Variants in WWOX observed in about 807,000 individuals in gnomAD.
WWOX encodes the protein WW domain containing oxidoreductase, also known as WW domain-containing oxidoreductase.
WWOX carries 69 observed loss-of-function variants against 46.2 expected under a neutral mutation model. The observed-to-expected ratio is 1.49, with a 90% CI of 1.23 to 1.82. The LOEUF is 1.82. WWOX is among the 40% of genes most tolerant of loss of function. The pLI is 0.00. For synonymous variants in WWOX, 359 were observed against 202.6 expected (o/e 1.77, Z -6.56); for missense variants, 919 against 542.6 (o/e 1.69, Z -6.89).
chr16:78,774,218 T>G (rs560815256), intron 8 of WWOX, among the ~76,000 whole-genome samples: 23 of 152,228 alleles, frequency 1.5e-4, no homozygotes, highest in Non-Finnish European at 2.6e-4. Flanking sequence ...CTGGCCAACA[T>G]GGTGAAACCC....
intron 5 of WWOX, among the ~76,000 whole-genome samples, chr16:78,237,090 A>AC (rs1052092570): frequency 6.6e-6 from 1 of 151,608 alleles, no homozygotes; most frequent in East Asian, 1.9e-4. Context: ...AAAAAAAAAA[A>AC]AAAAAATCTG....
intron 1 of WWOX, among the ~76,000 whole-genome samples, chr16:78,106,736 A>G (rs2032172946): frequency 6.6e-6 from 1 of 151,998 alleles, no homozygotes; most frequent in African/African-American, 2.4e-5. Flanking sequence ...TTTTTTTTGC[A>G]AGTGATATTG....
rs78345446 is a variant in WWOX, at chr16:78,619,631, G to A, written c.1056+186879G>A. On this transcript the variant is annotated intron_variant, in intron 8 of 8. Coordinates refer to ENST00000566780, the MANE Select transcript of WWOX (RefSeq NM_016373.4). ...GTAAAAAGAACCATGTGAATTGGGC[G>A]TGGTGGCTCATGTCTGTAAAGCCAG... Among the ~76,000 whole-genome samples, 528 of 152,048 alleles carry A rather than the reference G, an allele frequency of 3.5e-3. 6 individuals are homozygous for A. Among genetic ancestry groups the A allele is most frequent in the African/African-American group, 0.012 (498 of 41,468 alleles).
chr16:78,939,860 A>G (rs1179073244), intron 8 of WWOX, among the ~76,000 whole-genome samples: 1 of 152,202 alleles, frequency 6.6e-6, no homozygotes, highest in Non-Finnish European at 1.5e-5. Context: ...TTTTTGGCAT[A>G]GACGTGTGGA....
chr16:78,859,774 T>C (rs182095272), intron 8 of WWOX, among the ~76,000 whole-genome samples: 18 of 152,268 alleles, frequency 1.2e-4, no homozygotes, highest in African/African-American at 4.1e-4. Context: ...TTTCAAAGGA[T>C]GGACATCGAT....
chr16:78,911,533 A>G (rs551826789), intron 8 of WWOX, among the ~76,000 whole-genome samples: 5 of 152,100 alleles, frequency 3.3e-5, no homozygotes, highest in East Asian at 3.9e-4. Flanking sequence ...ATTGAATGAA[A>G]TAAGACTCTT....
At chr16:78,809,277 G>C (rs1049254891) in intron 8 of WWOX, among the ~76,000 whole-genome samples, 26 of 127,876 alleles carry the variant, frequency 2.0e-4, no homozygotes, top group African/African-American at 7.2e-4. Context: ...TTTTAGGGGG[G>C]AAACAGGAAC....
At chr16:78,975,605 T>C (rs1716211183) in intron 8 of WWOX, among the ~76,000 whole-genome samples, 2 of 151,970 alleles carry the variant, frequency 1.3e-5, no homozygotes, top group African/African-American at 4.8e-5. Context: ...GCCTCGTAAA[T>C]GAAAGGGTGA....
At chr16:78,476,287 T>C (rs1006186288) in intron 8 of WWOX, among the ~76,000 whole-genome samples, 1 of 152,206 alleles carries the variant, frequency 6.6e-6, no homozygotes, top group Non-Finnish European at 1.5e-5. Flanking sequence ...GAGAAGTGTC[T>C]GATCATATCC....
At chr16:78,248,393 A>G (rs891183775) in intron 5 of WWOX, among the ~76,000 whole-genome samples, 2 of 152,220 alleles carry the variant, frequency 1.3e-5, no homozygotes, top group African/African-American at 2.4e-5. Context: ...ATCTGTCCGC[A>G]TGATCTAATC....
At chr16:78,560,695 TATC>T (rs2044414992) in intron 8 of WWOX, among the ~76,000 whole-genome samples, 1 of 152,186 alleles carries the variant, frequency 6.6e-6, no homozygotes, top group African/African-American at 2.4e-5. Context: ...TAGTGATACA[TATC>T]ATTTTGAAAC....
intron 5 of WWOX, among the ~76,000 whole-genome samples, chr16:78,335,331 T>C (rs2080863831): frequency 6.6e-6 from 1 of 152,164 alleles, no homozygotes; most frequent in Admixed American, 6.5e-5. Context: ...CGTGTGTCCA[T>C]GTGTTCTCAT....
rs912531950 is a variant in WWOX at position 78,111,577 on chromosome 16, T to G, written c.230+1742T>G. 3.3e-5 allele frequency among the ~76,000 whole-genome samples: 5 copies of G among 152,240 alleles called. No individual in the cohort carries two copies. The South Asian group carries it at 1.0e-3, about 32-fold the overall frequency. Reference sequence around the variant, plus strand: ...TAGCAGACCGCGAAAGGGAGTCTCCTTTCCTTGGAGGAGTCAGGGAACACT... The same window carrying G: ...TAGCAGACCGCGAAAGGGAGTCTCCGTTCCTTGGAGGAGTCAGGGAACACT... On this transcript the variant is annotated intron_variant, in intron 3 of 8. Coordinates refer to ENST00000566780, the MANE Select transcript of WWOX (RefSeq NM_016373.4).
chr16:79,076,567 C>T (rs750391543), intron 8 of WWOX, among the ~76,000 whole-genome samples: 1 of 152,208 alleles, frequency 6.6e-6, no homozygotes, highest in African/African-American at 2.4e-5. Flanking sequence ...GAGCTCTGGC[C>T]TCTGGACCTC....
chr16:79,088,136 T>C (rs1037395181), intron 8 of WWOX, among the ~76,000 whole-genome samples: 2 of 152,140 alleles, frequency 1.3e-5, no homozygotes, highest in South Asian at 4.1e-4. Context: ...AACCATCAGA[T>C]AGAAGCATCT....
chr16:79,131,943 C>A (rs1047242052), intron 8 of WWOX, among the ~76,000 whole-genome samples: 3 of 152,092 alleles, frequency 2.0e-5, no homozygotes, highest in African/African-American at 7.2e-5. Context: ...GTTTTTAAAA[C>A]CATCAGATCT....
intron 8 of WWOX, among the ~76,000 whole-genome samples, chr16:78,669,499 G>C: frequency 6.6e-6 from 1 of 152,190 alleles, no homozygotes; most frequent in East Asian, 1.9e-4. Flanking sequence ...GCCAGTGATG[G>C]TGCTGACTAT....
intron 8 of WWOX, among the ~76,000 whole-genome samples, chr16:78,588,573 G>A (rs1042625538): frequency 3.9e-5 from 6 of 152,126 alleles, no homozygotes; most frequent in African/African-American, 1.4e-4. Context: ...GCTGCCTGGA[G>A]GACCAGTTAG....
rs2045002771 is a variant in WWOX at position 78,907,721 on chromosome 16, G to A, written c.1057-303887G>A. ...AGACAGTTGGGTAAGTTACTAGAGG[G>A]AGTATTACCTTAGATGGGGCCAGGA... is the stretch of plus-strand genomic sequence containing the variant. On this transcript the variant is annotated intron_variant, in intron 8 of 8. Coordinates refer to ENST00000566780, the MANE Select transcript of WWOX (RefSeq NM_016373.4). Among the ~76,000 whole-genome samples the A allele has an allele frequency of 2.0e-5, 3 of 152,286 alleles. No homozygotes were observed. The South Asian group carries it at 6.2e-4, about 32-fold the overall frequency.
Sources: gnomAD v4.1 joint callset for allele counts (sites outside exome capture counted in the v4.1 genomes callset) on GRCh38, gnomAD v4.1.1 for gene constraint, MANE v1.5 for transcripts, NCBI Gene and HGNC (gene_info 2026-07-23, HGNC 2026-07-21) for gene names.